Variants in FABP6 observed in about 807,000 individuals in gnomAD.
The protein encoded by FABP6 is gastrotropin.
Under a neutral mutation model 14.9 loss-of-function variants are expected in FABP6, and 13 were observed. The observed-to-expected ratio is 0.87, with a 90% CI of 0.57 to 1.39. The LOEUF is 1.39. Among genes scored for constraint, FABP6 ranks in the 40% most tolerant of loss-of-function variants. The pLI is 0.00. For synonymous variants in FABP6, 75 were observed against 63.6 expected (o/e 1.18, Z -0.85); for missense variants, 161 against 167.2 (o/e 0.96, Z 0.20).
chr5:160,206,153 G>C (rs1275764770), intron 2 of FABP6, among the ~76,000 whole-genome samples: 12 of 152,116 alleles, frequency 7.9e-5, no homozygotes, highest in Non-Finnish European at 1.5e-4. Flanking sequence ...ATAAAAGCAG[G>C]CTGGGCGTGG....
intron 3 of FABP6, among the ~76,000 whole-genome samples, chr5:160,220,666 C>A (rs146804357): frequency 6.6e-6 from 1 of 152,090 alleles, no homozygotes; most frequent in East Asian, 1.9e-4. Context: ...TCATATTAGC[C>A]TTCCCTCATA....
At chr5:160,195,457 C>A (rs1386053278) in intron 1 of FABP6, among the ~76,000 whole-genome samples, 1 of 151,938 alleles carries the variant, frequency 6.6e-6, no homozygotes, top group Non-Finnish European at 1.5e-5. Flanking sequence ...TTTTTTCTGT[C>A]TCTCTCTCTC....
intron 2 of FABP6, among the ~76,000 whole-genome samples, chr5:160,200,936 A>G (rs1306690756): frequency 6.6e-6 from 1 of 152,162 alleles, no homozygotes; most frequent in East Asian, 1.9e-4. Context: ...AGTGTCTGGC[A>G]ATCCTCTGAC....
rs552122968 is a variant in FABP6, at chr5:160,235,337, T to A, written c.333+428T>A. On this transcript the variant is annotated intron_variant, in intron 3 of 3. Transcript: ENST00000402432. The stretch of plus-strand genomic sequence containing the variant: ...TTTTCCATGAGGGACATCAGGCCCC[T>A]TCTACCAGATCTTCTGATTTATCAA... Among the ~76,000 whole-genome samples, 25 of 152,284 alleles carry A rather than the reference T, an allele frequency of 1.6e-4. No homozygotes were observed. In the South Asian group the frequency reaches 5.0e-3, roughly 30 times the overall value.
intron 3 of FABP6, among the ~76,000 whole-genome samples, chr5:160,224,372 G>A (rs151039978): frequency 4.5e-4 from 68 of 152,300 alleles, no homozygotes; most frequent in East Asian, 1.4e-3. Context: ...GCAGTGAGGC[G>A]TTTTTGTGCC....
chr5:160,200,135 A>G lies in FABP6; in HGVS notation c.51+978A>G, dbSNP rs569226775. 1.1e-4 allele frequency among the ~76,000 whole-genome samples: 16 copies of G among 152,352 alleles called. No individual in the cohort carries two copies. The East Asian group carries it at 2.9e-3, about 28-fold the overall frequency. On this transcript the variant is annotated intron_variant, in intron 2 of 6. Coordinates refer to the FABP6 transcript ENST00000393980. ...CTGCTTAATAGCTGGACGACCTTAG[A>G]CAGCCTTCCTAACCTCTCTGAGCTC...
At chr5:160,210,822 G>C (rs1224163418) in intron 2 of FABP6, among the ~76,000 whole-genome samples, 3 of 152,222 alleles carry the variant, frequency 2.0e-5, no homozygotes, top group East Asian at 3.8e-4. Context: ...CGAGTGTCCT[G>C]CAGAATTACA....
chr5:160,199,841 C>T (rs1759598862), intron 2 of FABP6, among the ~76,000 whole-genome samples: 1 of 152,206 alleles, frequency 6.6e-6, no homozygotes, highest in Non-Finnish European at 1.5e-5. Context: ...AGCAATGAAG[C>T]CTCCTGAAAG....
At chr5:160,191,913 G>A (rs1428840518) in intron 1 of FABP6, among the ~76,000 whole-genome samples, 2 of 151,738 alleles carry the variant, frequency 1.3e-5, no homozygotes, top group African/African-American at 2.4e-5. Flanking sequence ...GGCGGAGCTT[G>A]CAGTGAGCCA....
chr5:160,221,281 A>G (rs1226712531), intron 3 of FABP6, among the ~76,000 whole-genome samples: 5 of 151,994 alleles, frequency 3.3e-5, no homozygotes, highest in African/African-American at 1.2e-4. Context: ...TACAAAGAGA[A>G]GGTACAGGCT....
chr5:160,223,392 T>C lies in FABP6; in HGVS notation c.136-6154T>C, dbSNP rs1170118284. Among the ~76,000 whole-genome samples the C allele has an allele frequency of 2.4e-4, 3 of 12,288 alleles. No homozygotes were observed. In the South Asian group the frequency reaches 6.9e-3, roughly 28 times the overall value. 8.1% of individuals were successfully genotyped at this position (12,288 alleles called of 152,430 possible). A position where few individuals can be genotyped will look rare whatever the true frequency, so the allele number is the denominator to read the frequency against. On this transcript the variant is annotated intron_variant, in intron 3 of 6. Coordinates refer to the FABP6 transcript ENST00000393980. ...CTCCCTCCCTCCCTCCCTCTCTCCTTCCTTCCTTCCTTCCTTCCTTCTTTC... is the reference window on the plus strand; with the variant it reads ...CTCCCTCCCTCCCTCCCTCTCTCCTCCCTTCCTTCCTTCCTTCCTTCTTTC...
intron 2 of FABP6, among the ~76,000 whole-genome samples, chr5:160,202,959 T>C (rs1199485311): frequency 3.3e-5 from 5 of 150,966 alleles, no homozygotes; most frequent in Non-Finnish European, 5.9e-5. Context: ...TAGAGTGCAA[T>C]GGCTTGATCT....
At position 160,232,243 on chromosome 5, in the gene FABP6, C is replaced by A. The variant is rs1402407910; in HGVS notation, c.213C>A (p.Asn71Lys). The A allele has an allele frequency of 3.7e-6, 6 of 1,611,594 alleles. No individual in the cohort carries two copies. The Admixed American group carries it at 8.4e-5, about 23-fold the overall frequency. The change falls in exon 2 of 4, where the codon AAC becomes AAA. Residue 71 changes from asparagine to lysine, a missense_variant. Transcript: ENST00000402432. ...TNKFTVGKES[N>K]IQTMGGKTFK... ...AGTTCACTGTTGGCAAGGAAAGCAA[C>A]ATACAGACAATGGGGGGCAAGACGT...
chr5:160,204,502 G>A (rs1047490982), intron 2 of FABP6, among the ~76,000 whole-genome samples: 3 of 151,802 alleles, frequency 2.0e-5, no homozygotes, highest in South Asian at 2.1e-4. Flanking sequence ...TTTTTAGGGG[G>A]GGTGGGGATG....
Position 160,229,601 on chromosome 5 carries a change from A to G in FABP6, c.44A>G (p.Tyr15Cys), listed in dbSNP as rs895496399. The G allele has an allele frequency of 1.2e-6, 2 of 1,613,984 alleles. No individual in the cohort carries two copies. The highest frequency in any genetic ancestry group is 1.7e-5 in the Admixed American group (1 of 60,004). Residue 15 changes from tyrosine to cysteine, a missense_variant, in exon 1 of 4, where the codon TAT becomes TGT. Coordinates refer to ENST00000402432, the MANE Select transcript of FABP6 (RefSeq NM_001445.3). ...GKFEMESEKN[Y>C]DEFMKLLGIS... The stretch of plus-strand genomic sequence containing the variant: ...TTCGAGATGGAGAGTGAGAAGAATT[A>G]TGATGAGTTCATGAAGCTCCTTGGT...
At chr5:160,213,272 G>A (rs943161602) in intron 2 of FABP6, among the ~76,000 whole-genome samples, 5 of 152,200 alleles carry the variant, frequency 3.3e-5, no homozygotes, top group Non-Finnish European at 7.3e-5. Flanking sequence ...CCCATCGCCC[G>A]ATGGCAATGA....
In FABP6 at chr5:160,234,753, C is replaced by G. The variant is rs904638920; in HGVS notation, c.244-67C>G. 23 of 1,334,910 alleles carry G rather than the reference C, an allele frequency of 1.7e-5. No individual in the cohort carries two copies. The African/African-American group carries it at 3.2e-4, about 19-fold the overall frequency. The allele number at this position is 1,334,910 out of a possible 1,614,324, so 82.7% of individuals were successfully genotyped here. A position where few individuals can be genotyped will look rare whatever the true frequency, so the allele number is the denominator to read the frequency against. The stretch of plus-strand genomic sequence containing the variant: ...TGGTAAATTCTTCTTACTGCCCGCG[C>G]CACCAGCCCCAGATAGTTGCCAATC... On this transcript the variant is annotated intron_variant, in intron 2 of 3. Transcript: ENST00000402432.
intron 2 of FABP6, among the ~76,000 whole-genome samples, chr5:160,201,843 G>A (rs901493832): frequency 1.3e-5 from 2 of 152,148 alleles, no homozygotes; most frequent in African/African-American, 4.8e-5. Flanking sequence ...GATTACTGCA[G>A]CCTCCACCTT....
At chr5:160,213,864 G>A in intron 3 of FABP6, 1 of 1,525,752 alleles carries the variant, frequency 6.6e-7, no homozygotes, top group Non-Finnish European at 9.1e-7. Flanking sequence ...ACGTTTTTCA[G>A]ATTCTGGTTC....
Sources: gnomAD v4.1 joint callset for allele counts (sites outside exome capture counted in the v4.1 genomes callset) on GRCh38, gnomAD v4.1.1 for gene constraint, MANE v1.5 for transcripts, NCBI Gene and HGNC (gene_info 2026-07-23, HGNC 2026-07-21) for gene names.